Variants in HMBOX1 observed in about 807,000 individuals in gnomAD.
HMBOX1 encodes the protein homeobox-containing protein 1.
HMBOX1 carries 14 observed loss-of-function variants against 54.5 expected under a neutral mutation model. The observed-to-expected ratio is 0.26, with a 90% confidence interval of 0.17 to 0.40. HMBOX1 has a LOEUF of 0.40. HMBOX1 is among the 10% of genes least tolerant of loss of function. The probability of loss-of-function intolerance (pLI) is 1.00; values close to 1 mark genes in which losing one functional copy is unlikely to be tolerated. For synonymous variants in HMBOX1, 160 were observed against 181.0 expected (o/e 0.88, Z 0.93); for missense variants, 332 against 514.4 (o/e 0.65, Z 3.43).
At chr8:28,939,761 C>T (rs553771559) in intron 1 of HMBOX1, among the ~76,000 whole-genome samples, 3 of 152,220 alleles carry the variant, frequency 2.0e-5, no homozygotes, top group African/African-American at 7.2e-5. Context: ...CCACCCGCCT[C>T]GGCCTCCTGA....
At chr8:28,976,808 G>A (rs1347867685) in intron 3 of HMBOX1, among the ~76,000 whole-genome samples, 1 of 150,962 alleles carries the variant, frequency 6.6e-6, no homozygotes, top group Non-Finnish European at 1.5e-5. Flanking sequence ...TGGGGTTCAA[G>A]CGATTCTCCT....
intron 1 of HMBOX1, among the ~76,000 whole-genome samples, chr8:28,900,254 C>CAAAA (rs1215445461): frequency 5.7e-4 from 54 of 94,880 alleles, no homozygotes; most frequent in South Asian, 3.7e-3. Flanking sequence ...GATTCCGTCT[C>CAAAA]AAAAAAAAAA....
At chr8:29,030,855 G>A (rs1248964869) in intron 6 of HMBOX1, among the ~76,000 whole-genome samples, 1 of 152,166 alleles carries the variant, frequency 6.6e-6, no homozygotes, top group Non-Finnish European at 1.5e-5. Flanking sequence ...ACTTTGTTTA[G>A]CAATCAGCTT....
At chr8:28,976,446 C>A (rs920781480) in intron 3 of HMBOX1, among the ~76,000 whole-genome samples, 1 of 151,972 alleles carries the variant, frequency 6.6e-6, no homozygotes, top group Non-Finnish European at 1.5e-5. Context: ...TGCCCAGTGG[C>A]GCAATCTTGG....
At chr8:28,899,853 A>T (rs1812868832) in intron 1 of HMBOX1, among the ~76,000 whole-genome samples, 1 of 152,202 alleles carries the variant, frequency 6.6e-6, no homozygotes, top group Non-Finnish European at 1.5e-5. Context: ...GCCACAGGAG[A>T]TAAATAGTTG....
intron 3 of HMBOX1, among the ~76,000 whole-genome samples, chr8:28,973,566 A>G (rs953759175): frequency 2.0e-5 from 3 of 152,016 alleles, no homozygotes; most frequent in Non-Finnish European, 4.4e-5. Context: ...CCTTTTAGGA[A>G]TATACTGCCC....
At chr8:29,048,931 G>T in intron 8 of HMBOX1, 23 bp from the exon 9 acceptor site, 1 of 1,515,480 alleles carries the variant, frequency 6.6e-7, no homozygotes, top group Non-Finnish European at 9.1e-7. Context: ...GATAATTTAG[G>T]GATCTATTTG....
intron 1 of HMBOX1, among the ~76,000 whole-genome samples, chr8:28,942,046 A>G (rs1341039113): frequency 6.6e-6 from 1 of 152,170 alleles, no homozygotes; most frequent in African/African-American, 2.4e-5. Flanking sequence ...TATCAATGCC[A>G]CTGCTACTGG....
chr8:29,021,368 T>A (rs971210576), intron 6 of HMBOX1, among the ~76,000 whole-genome samples: 17 of 151,776 alleles, frequency 1.1e-4, no homozygotes, highest in African/African-American at 4.1e-4. Flanking sequence ...AAGGAAAAGA[T>A]TGATAAATAT....
chr8:29,002,119 A>T (rs961377102), intron 4 of HMBOX1, among the ~76,000 whole-genome samples: 1 of 152,184 alleles, frequency 6.6e-6, no homozygotes, highest in South Asian at 2.1e-4. Flanking sequence ...GGGGGGTCTC[A>T]TGAGGTTGCA....
intron 1 of HMBOX1, among the ~76,000 whole-genome samples, chr8:28,902,465 G>A (rs1381485737): frequency 6.6e-6 from 1 of 152,098 alleles, no homozygotes; most frequent in East Asian, 1.9e-4. Context: ...GGACCCAACC[G>A]TGAGGCACAG....
chr8:28,956,893 T>C (rs1466545893), intron 1 of HMBOX1, among the ~76,000 whole-genome samples: 1 of 152,144 alleles, frequency 6.6e-6, no homozygotes, highest in African/African-American at 2.4e-5. Context: ...CATGAAAAAA[T>C]GCTTATCATT....
At chr8:29,042,326 G>A (rs1317878509) in intron 6 of HMBOX1, among the ~76,000 whole-genome samples, 1 of 152,192 alleles carries the variant, frequency 6.6e-6, no homozygotes, top group African/African-American at 2.4e-5. Context: ...ATCTTCCTCT[G>A]CCATAAGATG....
intron 1 of HMBOX1, among the ~76,000 whole-genome samples, chr8:28,954,240 T>C (rs974226736): frequency 1.3e-4 from 20 of 152,304 alleles, no homozygotes; most frequent in African/African-American, 4.8e-4. Flanking sequence ...TTTATAGATA[T>C]TTTAGATGGG....
At chr8:28,919,969 TTTTG>T (rs1817245235) in intron 1 of HMBOX1, among the ~76,000 whole-genome samples, 2 of 104,176 alleles carry the variant, frequency 1.9e-5, no homozygotes, top group South Asian at 2.9e-4. Context: ...ACAAGTGAAG[TTTTG>T]TGTGTGTGTG....
At chr8:28,948,820 T>C (rs1040277403) in intron 1 of HMBOX1, among the ~76,000 whole-genome samples, 1 of 152,176 alleles carries the variant, frequency 6.6e-6, no homozygotes, top group Non-Finnish European at 1.5e-5. Context: ...AATCTCTTTC[T>C]CCAATTCTAT....
At chr8:28,952,791 T>G (rs1203626033) in intron 1 of HMBOX1, among the ~76,000 whole-genome samples, 1 of 152,226 alleles carries the variant, frequency 6.6e-6, no homozygotes, top group Non-Finnish European at 1.5e-5. Context: ...AAGTACTGTA[T>G]GTAATAATTC....
intron 5 of HMBOX1, chr8:29,009,969 C>A: frequency 9.6e-7 from 1 of 1,045,532 alleles, no homozygotes; most frequent in Non-Finnish European, 1.2e-6. Flanking sequence ...TGCACACAGA[C>A]TAAAACACTA....
At chr8:29,006,025 C>T (rs1833406814) in intron 4 of HMBOX1, among the ~76,000 whole-genome samples, 1 of 138,768 alleles carries the variant, frequency 7.2e-6, no homozygotes, top group Non-Finnish European at 1.5e-5. Context: ...CAGAGTGTCA[C>T]TCTGTCACCC....
Sources: allele counts gnomAD v4.1 joint callset (sites outside exome capture counted in the v4.1 genomes callset), GRCh38; gene constraint gnomAD v4.1.1; transcripts MANE v1.5; gene names NCBI Gene and HGNC (gene_info 2026-07-23, HGNC 2026-07-21).